The following DPP6 variants were observed in gnomAD, a reference collection of about 807,000 sequenced individuals.
DPP6 encodes A-type potassium channel modulatory protein DPP6.
Under a neutral mutation model 122.6 loss-of-function variants are expected in DPP6, and 69 were observed. The ratio of observed to expected loss-of-function variants is 0.56; its 90% CI spans 0.46 to 0.69. DPP6 has a LOEUF of 0.69. Among genes scored for constraint, DPP6 ranks in the 30% least tolerant of loss-of-function variants. The pLI is 0.00. For synonymous variants in DPP6, 418 were observed against 433.1 expected (o/e 0.97, Z 0.43); for missense variants, 928 against 1,116.9 (o/e 0.83, Z 2.41).
intron 1 of DPP6, among the ~76,000 whole-genome samples, chr7:154,035,538 T>C (rs576657191): frequency 6.6e-6 from 1 of 152,076 alleles, no homozygotes; most frequent in East Asian, 1.9e-4. Flanking sequence ...GAATTACTTG[T>C]AATGGCAGTG....
At position 154,892,321 on chromosome 7, in the gene DPP6, G is replaced by A; in HGVS notation, c.2452-13G>A. 1 of 1,613,962 alleles carries A rather than the reference G, an allele frequency of 6.2e-7. No individual in the cohort carries two copies. The highest frequency in any genetic ancestry group is 8.5e-7 in the Non-Finnish European group (1 of 1,179,868). On this transcript the variant is annotated splice_polypyrimidine_tract_variant and intron_variant, in intron 25 of 25. Coordinates refer to ENST00000377770, the MANE Select transcript of DPP6 (RefSeq NM_130797.4). ...ATACCTGGGAGAGTAATTTCTCCGT[G>A]CCTTCCTTGCAGATTTACCCGGACG...
At chr7:154,378,060 C>A (rs1240044304) in intron 1 of DPP6, among the ~76,000 whole-genome samples, 2 of 152,158 alleles carry the variant, frequency 1.3e-5, no homozygotes, top group Non-Finnish European at 2.9e-5. Flanking sequence ...AACTTACTGG[C>A]ATATAGAAAC....
intron 4 of DPP6, among the ~76,000 whole-genome samples, chr7:154,553,717 G>A (rs978093970): frequency 6.6e-6 from 1 of 152,010 alleles, no homozygotes; most frequent in African/African-American, 2.4e-5. Flanking sequence ...AGCCTTGGTC[G>A]CTGCAGTTAT....
intron 3 of DPP6, among the ~76,000 whole-genome samples, chr7:154,512,064 G>T (rs908272257): frequency 6.6e-6 from 1 of 152,090 alleles, no homozygotes; most frequent in East Asian, 1.9e-4. Context: ...AAGTCATTGA[G>T]GTCATTGACA....
At chr7:154,416,449 A>C (rs1033951648) in intron 1 of DPP6, among the ~76,000 whole-genome samples, 5 of 149,506 alleles carry the variant, frequency 3.3e-5, no homozygotes, top group Non-Finnish European at 5.9e-5. Flanking sequence ...ATTTTGTGAC[A>C]GTGAGAGAGA....
At chr7:153,897,648 T>G (rs1478025718) in intron 1 of DPP6, among the ~76,000 whole-genome samples, 1 of 152,230 alleles carries the variant, frequency 6.6e-6, no homozygotes, top group East Asian at 1.9e-4. Flanking sequence ...CTCTATTTCT[T>G]TCAACTTATA....
At chr7:154,724,014 G>A (rs2131352699) in intron 7 of DPP6, among the ~76,000 whole-genome samples, 1 of 152,298 alleles carries the variant, frequency 6.6e-6, no homozygotes, top group South Asian at 2.1e-4. Flanking sequence ...AGGAGCTTCA[G>A]GAGACATGAG....
chr7:154,416,482 T>G (rs1370438629), intron 1 of DPP6, among the ~76,000 whole-genome samples: 1 of 152,210 alleles, frequency 6.6e-6, no homozygotes, highest in Non-Finnish European at 1.5e-5. Context: ...TCACATAACT[T>G]GCATTGCAGT....
At chr7:154,336,472 G>A (rs1025420897) in intron 1 of DPP6, among the ~76,000 whole-genome samples, 1 of 152,114 alleles carries the variant, frequency 6.6e-6, no homozygotes, top group Non-Finnish European at 1.5e-5. Flanking sequence ...CCACACGGCC[G>A]CCACTCCTGC....
intron 1 of DPP6, among the ~76,000 whole-genome samples, chr7:154,266,206 G>A (rs906535341): frequency 2.6e-5 from 4 of 152,190 alleles, no homozygotes; most frequent in Non-Finnish European, 5.9e-5. Flanking sequence ...TACACTGGTT[G>A]AATAAATGAA....
At chr7:154,205,958 C>T (rs1585628477) in intron 1 of DPP6, among the ~76,000 whole-genome samples, 3 of 152,202 alleles carry the variant, frequency 2.0e-5, no homozygotes, top group South Asian at 2.1e-4. Context: ...CCCAGACCAC[C>T]CTCGGCCTCT....
the DPP6 span, among the ~76,000 whole-genome samples, chr7:153,848,670 T>G: frequency 5.9e-5 from 9 of 152,246 alleles, no homozygotes; most frequent in African/African-American, 2.2e-4. Context: ...TTTAGTTTGA[T>G]GTAGGCTACT....
chr7:153,760,829 C>T, the DPP6 span, among the ~76,000 whole-genome samples: 2 of 152,184 alleles, frequency 1.3e-5, no homozygotes, highest in African/African-American at 2.4e-5. Context: ...TTTCCCCAAC[C>T]TTGGAGAGTT....
chr7:154,098,533 C>A (rs1805500693), intron 1 of DPP6, among the ~76,000 whole-genome samples: 1 of 151,848 alleles, frequency 6.6e-6, no homozygotes, highest in Non-Finnish European at 1.5e-5. Flanking sequence ...AAGAAGGAAA[C>A]AAAGACTTTG....
Position 153,988,909 on chromosome 7 carries a change from C to T in DPP6, c.51+101175C>T, listed in dbSNP as rs191184657. Among the ~76,000 whole-genome samples the T allele has an allele frequency of 3.4e-4, 51 of 148,976 alleles. No individual in the cohort carries two copies. In the East Asian group the frequency reaches 9.9e-3, roughly 29 times the overall value. On this transcript the variant is annotated intron_variant, in intron 1 of 25. Coordinates refer to the DPP6 transcript ENST00000404039. The stretch of plus-strand genomic sequence containing the variant: ...AGAGCGGTGATGTATGGAAGTCAGG[C>T]GGGCCAGCGCGCCGGGAGTGGTGGG...
At chr7:153,998,517 C>T (rs866341030) in intron 1 of DPP6, among the ~76,000 whole-genome samples, 2 of 152,208 alleles carry the variant, frequency 1.3e-5, no homozygotes, top group Admixed American at 6.5e-5. Flanking sequence ...TCTGCCTCTA[C>T]TACCTTATGC....
the DPP6 span, among the ~76,000 whole-genome samples, chr7:153,858,423 AAAT>A: frequency 6.6e-5 from 10 of 152,178 alleles, no homozygotes; most frequent in Admixed American, 6.5e-4. Context: ...TTCTCCAGGG[AAAT>A]ATCTGGACCT....
At chr7:154,510,291 G>C (rs1194300815) in intron 3 of DPP6, among the ~76,000 whole-genome samples, 1 of 152,180 alleles carries the variant, frequency 6.6e-6, no homozygotes, top group Non-Finnish European at 1.5e-5. Flanking sequence ...TACTAGTCTG[G>C]ACAGCTTTCT....
At chr7:154,716,305 G>C (rs780596920) in intron 7 of DPP6, among the ~76,000 whole-genome samples, 4 of 152,146 alleles carry the variant, frequency 2.6e-5, no homozygotes, top group Non-Finnish European at 5.9e-5. Context: ...GCTTCCCATA[G>C]CCTGACCTGT....
Sources: allele counts gnomAD v4.1 joint callset (sites outside exome capture counted in the v4.1 genomes callset), GRCh38; gene constraint gnomAD v4.1.1; transcripts MANE v1.5; gene names NCBI Gene and HGNC (gene_info 2026-07-23, HGNC 2026-07-21).